CTNNA3: variants seen among roughly 807,000 people sequenced by gnomAD.
CTNNA3 encodes the protein catenin alpha-3.
A neutral mutation model predicts 95.7 loss-of-function variants in CTNNA3; 76 were observed. That is an observed-to-expected ratio of 0.79 (90% CI 0.66 to 0.96). The LOEUF (loss-of-function observed/expected upper bound fraction) is 0.96, where lower values mean the gene tolerates loss of function less well. Among genes scored for constraint, CTNNA3 ranks in the 40% least tolerant of loss-of-function variants. CTNNA3 has a pLI of 0.00. For missense variants in CTNNA3, 1,191 were observed against 1,089.8 expected (o/e 1.09, Z -1.31); for synonymous variants, 431 against 374.4 (o/e 1.15, Z -1.74).
chr10:66,459,731 A>T (rs1445868905), intron 11 of CTNNA3, among the ~76,000 whole-genome samples: 1 of 152,172 alleles, frequency 6.6e-6, no homozygotes, highest in Non-Finnish European at 1.5e-5. Context: ...TACTGGAGGC[A>T]ACTGTAACAC....
At chr10:66,749,217 A>G (rs962543579) in intron 9 of CTNNA3, among the ~76,000 whole-genome samples, 1 of 145,596 alleles carries the variant, frequency 6.9e-6, no homozygotes, top group African/African-American at 2.7e-5. Flanking sequence ...AAAAAAAAAA[A>G]AAAAAAAAAA....
chr10:66,866,446 C>T (rs946625704), intron 7 of CTNNA3, among the ~76,000 whole-genome samples: 1 of 152,148 alleles, frequency 6.6e-6, no homozygotes, highest in Admixed American at 6.6e-5. Flanking sequence ...TTATTTTGTG[C>T]AACTTTTGTG....
Position 67,410,666 on chromosome 10 carries a change from C to T in CTNNA3, c.579+111176G>A, listed in dbSNP as rs202148570. On this transcript the variant is annotated intron_variant, in intron 5 of 17. Transcript: ENST00000433211. ...AAAAAACCCACAGAAATAAAGCTAC[C>T]ATATGATCCAGCAATCCCAATATGT... Among the ~76,000 whole-genome samples, 3 of 150,840 alleles carry T rather than the reference C, an allele frequency of 2.0e-5. No homozygotes were observed. The East Asian group carries it at 5.8e-4, about 29-fold the overall frequency.
At chr10:66,672,505 T>C (rs1393040192) in intron 9 of CTNNA3, among the ~76,000 whole-genome samples, 1 of 152,108 alleles carries the variant, frequency 6.6e-6, no homozygotes, top group Non-Finnish European at 1.5e-5. Context: ...TGAGGTGCTA[T>C]CAATGCTTTG....
chr10:67,009,721 C>A (rs1404725121), intron 7 of CTNNA3, among the ~76,000 whole-genome samples: 1 of 152,114 alleles, frequency 6.6e-6, no homozygotes, highest in Non-Finnish European at 1.5e-5. Flanking sequence ...AAAACAGGAG[C>A]AGTTTGCAGT....
intron 7 of CTNNA3, among the ~76,000 whole-genome samples, chr10:66,849,485 T>C (rs1843402039): frequency 6.6e-6 from 1 of 152,124 alleles, no homozygotes; most frequent in Non-Finnish European, 1.5e-5. Context: ...ACCTGGAACA[T>C]TAGAATGTGA....
At chr10:66,825,337 G>A (rs1029510424) in intron 7 of CTNNA3, among the ~76,000 whole-genome samples, 1 of 149,846 alleles carries the variant, frequency 6.7e-6, no homozygotes, top group East Asian at 2.0e-4. Flanking sequence ...GTGTGGTGGT[G>A]CAATCTCAGC....
intron 5 of CTNNA3, among the ~76,000 whole-genome samples, chr10:67,503,976 T>G (rs1352435860): frequency 6.6e-6 from 1 of 150,934 alleles, no homozygotes; most frequent in Non-Finnish European, 1.5e-5. Context: ...GCTAACATGG[T>G]GAAACCCCGT....
At chr10:67,498,885 G>A (rs1025369422) in intron 5 of CTNNA3, among the ~76,000 whole-genome samples, 10 of 152,202 alleles carry the variant, frequency 6.6e-5, no homozygotes, top group African/African-American at 9.7e-5. Flanking sequence ...TGCAAACAGA[G>A]ACAATTTGAC....
chr10:65,968,657 A>G lies in CTNNA3; in HGVS notation c.2266-1911T>C, dbSNP rs116941399. ...CATGTTTGCTCAGATTGACAGCCTG[A>G]GCCACCCCACACTTTCTCTGCAGGG... On this transcript the variant is annotated intron_variant, in intron 16 of 17. Coordinates refer to ENST00000433211, the MANE Select transcript of CTNNA3 (RefSeq NM_013266.4). Among the ~76,000 whole-genome samples the G allele has an allele frequency of 1.1e-4, 16 of 152,268 alleles. No homozygotes were observed. The East Asian group carries it at 1.9e-3, about 18-fold the overall frequency.
chr10:67,212,701 A>T (rs1864185809), intron 6 of CTNNA3, among the ~76,000 whole-genome samples: 3 of 151,946 alleles, frequency 2.0e-5, no homozygotes, highest in Admixed American at 2.0e-4. Flanking sequence ...TACTGAGATT[A>T]TTATATAGTT....
Position 66,309,095 on chromosome 10 carries a change from G to A in CTNNA3, c.1733-28474C>T, listed in dbSNP as rs56895182. Reference sequence around the variant, plus strand: ...CAACAGTAAAATGGCTATCACTCACGTCTACTTAAGATGAACAACTAATGA... The same window carrying A: ...CAACAGTAAAATGGCTATCACTCACATCTACTTAAGATGAACAACTAATGA... On this transcript the variant is annotated intron_variant, in intron 12 of 17. Coordinates refer to ENST00000433211, the MANE Select transcript of CTNNA3 (RefSeq NM_013266.4). 1.7e-3 allele frequency among the ~76,000 whole-genome samples: 258 copies of A among 152,170 alleles called. 2 individuals carry two copies. The highest frequency in any genetic ancestry group is 6.0e-3 in the African/African-American group (250 of 41,528).
chr10:67,339,110 G>A (rs1005876681), intron 5 of CTNNA3, among the ~76,000 whole-genome samples: 1 of 152,170 alleles, frequency 6.6e-6, no homozygotes, highest in Admixed American at 6.5e-5. Context: ...TCCTTGGAGA[G>A]GCTCTAGACC....
At chr10:66,103,301 T>C (rs772269915) in intron 13 of CTNNA3, 52 bp from the exon 14 acceptor site, 1 of 1,450,172 alleles carries the variant, frequency 6.9e-7, no homozygotes, top group South Asian at 1.1e-5. Flanking sequence ...GCATTTCTTC[T>C]TTGGAAAACA....
At chr10:66,220,868 T>C (rs2088889618) in intron 13 of CTNNA3, among the ~76,000 whole-genome samples, 1 of 152,098 alleles carries the variant, frequency 6.6e-6, no homozygotes, top group Non-Finnish European at 1.5e-5. Flanking sequence ...GCCTGGGATT[T>C]TTATAGGTAC....
chr10:66,683,949 C>T (rs1847157343), intron 9 of CTNNA3, among the ~76,000 whole-genome samples: 1 of 152,100 alleles, frequency 6.6e-6, no homozygotes, highest in South Asian at 2.1e-4. Context: ...GCGATTGAAC[C>T]TACACAATGA....
chr10:66,874,622 T>C (rs1057387426), intron 7 of CTNNA3, among the ~76,000 whole-genome samples: 1 of 152,206 alleles, frequency 6.6e-6, no homozygotes, highest in Non-Finnish European at 1.5e-5. Flanking sequence ...TTCGTTTCAA[T>C]TTCTCTGTTT....
At chr10:66,938,117 T>A (rs1020552576) in intron 7 of CTNNA3, among the ~76,000 whole-genome samples, 1 of 152,334 alleles carries the variant, frequency 6.6e-6, no homozygotes, top group South Asian at 2.1e-4. Flanking sequence ...TTCAACTCTA[T>A]GGAAACTTAA....
At chr10:67,551,629 C>G (rs1369141970) in intron 3 of CTNNA3, among the ~76,000 whole-genome samples, 1 of 152,174 alleles carries the variant, frequency 6.6e-6, no homozygotes, top group Non-Finnish European at 1.5e-5. Flanking sequence ...TAAACATTCG[C>G]CCCTAGACAC....
Sources: gnomAD v4.1 joint callset for allele counts (sites outside exome capture counted in the v4.1 genomes callset) on GRCh38, gnomAD v4.1.1 for gene constraint, MANE v1.5 for transcripts, NCBI Gene and HGNC (gene_info 2026-07-23, HGNC 2026-07-21) for gene names.